Variants in DPP10 observed in about 807,000 individuals in gnomAD.
DPP10 encodes inactive dipeptidyl peptidase 10.
A neutral mutation model predicts 120.9 loss-of-function variants in DPP10; 33 were observed. The observed-to-expected ratio is 0.27, with a 90% CI of 0.21 to 0.37. The LOEUF (loss-of-function observed/expected upper bound fraction) is 0.37, where lower values mean the gene tolerates loss of function less well. Ranked by LOEUF, DPP10 falls within the 10% of genes least tolerant of loss-of-function variation. The probability of loss-of-function intolerance (pLI) is 1.00; values close to 1 mark genes in which losing one functional copy is unlikely to be tolerated. For synonymous variants in DPP10, 337 were observed against 326.1 expected, an observed-to-expected ratio of 1.03 and a Z score of -0.36; for missense variants, 816 against 942.8, an observed-to-expected ratio of 0.87 and a Z score of 1.76.
chr2:114,938,735 T>C (rs1260719016), intron 1 of DPP10, among the ~76,000 whole-genome samples: 1 of 151,096 alleles, frequency 6.6e-6, no homozygotes, highest in African/African-American at 2.4e-5. Flanking sequence ...GTCCCTTTTT[T>C]TTTTTTTTTT....
intron 1 of DPP10, among the ~76,000 whole-genome samples, chr2:114,721,823 A>C (rs1463989395): frequency 6.6e-6 from 1 of 152,216 alleles, no homozygotes; most frequent in Non-Finnish European, 1.5e-5. Context: ...CTGGTTGGTG[A>C]GAATATTTAA....
At chr2:114,784,322 A>C (rs1022101095) in intron 1 of DPP10, among the ~76,000 whole-genome samples, 4 of 152,142 alleles carry the variant, frequency 2.6e-5, no homozygotes, top group Non-Finnish European at 5.9e-5. Flanking sequence ...AAACAACAGC[A>C]TCTGTCCTCA....
intron 1 of DPP10, among the ~76,000 whole-genome samples, chr2:114,980,776 C>T (rs565559891): frequency 6.6e-6 from 1 of 152,070 alleles, no homozygotes; most frequent in Non-Finnish European, 1.5e-5. Flanking sequence ...TAAGCATGAG[C>T]CACTGCACCC....
chr2:115,045,341 G>A (rs7593201), intron 1 of DPP10, among the ~76,000 whole-genome samples: 147,353 of 152,246 alleles, frequency 0.97, 71,519 homozygotes, highest in Middle Eastern at 1. Context: ...TACTTTTAAG[G>A]TTCTTTCTTT....
chr2:115,189,437 G>A (rs2054704739), intron 1 of DPP10, among the ~76,000 whole-genome samples: 1 of 152,158 alleles, frequency 6.6e-6, no homozygotes, highest in Non-Finnish European at 1.5e-5. Context: ...GATTGGAACT[G>A]ACGGGAAAGT....
chr2:115,321,814 ATTC>A (rs1410854464), intron 2 of DPP10, among the ~76,000 whole-genome samples: 6 of 151,912 alleles, frequency 3.9e-5, no homozygotes, highest in Non-Finnish European at 7.4e-5. Context: ...CTGCTGTTTT[ATTC>A]TTCTACTGAG....
intron 1 of DPP10, among the ~76,000 whole-genome samples, chr2:115,155,297 T>C (rs1256563266): frequency 6.6e-6 from 1 of 152,160 alleles, no homozygotes; most frequent in African/African-American, 2.4e-5. Flanking sequence ...AGAAAGTCCC[T>C]GTGAACTTGC....
chr2:114,786,552 C>T (rs1390021333), intron 1 of DPP10, among the ~76,000 whole-genome samples: 3 of 152,112 alleles, frequency 2.0e-5, no homozygotes, highest in Non-Finnish European at 4.4e-5. Flanking sequence ...CACAATTCTA[C>T]GATCCAGATT....
At chr2:115,335,413 TAA>T (rs2063064296) in intron 2 of DPP10, among the ~76,000 whole-genome samples, 1 of 152,034 alleles carries the variant, frequency 6.6e-6, no homozygotes, top group African/African-American at 2.4e-5. Context: ...TTCTAGGTGA[TAA>T]GTTAGGAAAC....
At chr2:114,660,203 C>G (rs978637665) in intron 1 of DPP10, among the ~76,000 whole-genome samples, 8 of 152,164 alleles carry the variant, frequency 5.3e-5, no homozygotes, top group African/African-American at 1.7e-4. Context: ...CCTGCCTGAT[C>G]ATTATCTCCA....
chr2:115,587,089 C>CTTTTTTTT (rs756810925), intron 5 of DPP10, among the ~76,000 whole-genome samples: 415 of 103,936 alleles, frequency 4.0e-3, no homozygotes, highest in African/African-American at 8.1e-3. Flanking sequence ...TTTTCTCTTT[C>CTTTTTTTT]TTTTTTTTTT....
chr2:114,541,255 T>C (rs1686928458), intron 1 of DPP10, among the ~76,000 whole-genome samples: 1 of 152,094 alleles, frequency 6.6e-6, no homozygotes, highest in Non-Finnish European at 1.5e-5. Flanking sequence ...ACTCGGGGGG[T>C]CTGGATATTT....
intron 5 of DPP10, among the ~76,000 whole-genome samples, chr2:115,680,737 A>G (rs1467448422): frequency 6.6e-6 from 1 of 152,102 alleles, no homozygotes; most frequent in East Asian, 1.9e-4. Context: ...TTTAAAAATT[A>G]TCTGTGGAAA....
chr2:115,253,310 T>A (rs971861333), intron 1 of DPP10, among the ~76,000 whole-genome samples: 2 of 152,300 alleles, frequency 1.3e-5, no homozygotes, highest in Non-Finnish European at 2.9e-5. Context: ...ACATGAGATT[T>A]GGAGGGAACA....
intron 5 of DPP10, among the ~76,000 whole-genome samples, chr2:115,573,152 ACAGT>A (rs1309819821): frequency 6.6e-6 from 1 of 152,178 alleles, no homozygotes; most frequent in Non-Finnish European, 1.5e-5. Flanking sequence ...AGGAAATAGA[ACAGT>A]CAGAGCATGG....
At chr2:115,321,722 T>C (rs1165602792) in intron 2 of DPP10, among the ~76,000 whole-genome samples, 1 of 152,070 alleles carries the variant, frequency 6.6e-6, no homozygotes, top group African/African-American at 2.4e-5. Context: ...TCCTTCACTC[T>C]TTTTTCTTTC....
chr2:114,882,943 C>A (rs1383651610), intron 1 of DPP10, among the ~76,000 whole-genome samples: 1 of 152,172 alleles, frequency 6.6e-6, no homozygotes, highest in African/African-American at 2.4e-5. Context: ...AAGAGAAAAA[C>A]CAGCTCTATT....
chr2:115,759,847 C>T (rs1392317974), intron 11 of DPP10, among the ~76,000 whole-genome samples: 1 of 151,970 alleles, frequency 6.6e-6, no homozygotes, highest in Non-Finnish European at 1.5e-5. Context: ...CCCGTCCCTA[C>T]TAAAAATACA....
chr2:114,856,744 C>T (rs1361898607), intron 1 of DPP10, among the ~76,000 whole-genome samples: 1 of 152,042 alleles, frequency 6.6e-6, no homozygotes, highest in African/African-American at 2.4e-5. Flanking sequence ...GGAGAGAGAG[C>T]AGGAGAGTTG....
Sources: allele counts gnomAD v4.1 joint callset (sites outside exome capture counted in the v4.1 genomes callset), GRCh38; gene constraint gnomAD v4.1.1; transcripts MANE v1.5; gene names NCBI Gene and HGNC (gene_info 2026-07-23, HGNC 2026-07-21).